PARVA: variants seen among roughly 807,000 people sequenced by gnomAD.
PARVA encodes the protein parvin alpha.
A neutral mutation model predicts 52.6 loss-of-function variants in PARVA; 25 were observed. That is an observed-to-expected ratio of 0.48 (90% CI 0.35 to 0.66). The LOEUF is 0.66. Ranked by LOEUF, PARVA falls within the 30% of genes least tolerant of loss-of-function variation. The pLI, the probability that PARVA is intolerant of heterozygous loss-of-function variation, is 0.01. For synonymous variants in PARVA, 185 were observed against 179.1 expected, an observed-to-expected ratio of 1.03 and a Z score of -0.26; for missense variants, 373 against 450.9, an observed-to-expected ratio of 0.83 and a Z score of 1.56.
chr11:12,451,581 T>G (rs1292094435), intron 1 of PARVA, among the ~76,000 whole-genome samples: 3 of 152,200 alleles, frequency 2.0e-5, no homozygotes, highest in African/African-American at 7.2e-5. Flanking sequence ...TGATTATGAA[T>G]GACAGTAATT....
intron 1 of PARVA, among the ~76,000 whole-genome samples, chr11:12,393,151 C>T (rs964830819): frequency 6.7e-6 from 1 of 149,388 alleles, no homozygotes; most frequent in East Asian, 2.0e-4. Flanking sequence ...CATTATTTTT[C>T]AAATAATACT....
intron 1 of PARVA, among the ~76,000 whole-genome samples, chr11:12,464,383 C>T (rs763861527): frequency 3.9e-5 from 6 of 152,296 alleles, no homozygotes; most frequent in African/African-American, 1.2e-4. Context: ...AAAACTGGCT[C>T]CTACCATCCA....
In PARVA at chr11:12,423,724, G is replaced by A. The variant is rs116109022; in HGVS notation, c.136+45941G>A. Among the ~76,000 whole-genome samples, 314 of 152,196 alleles carry A rather than the reference G, an allele frequency of 2.1e-3. 1 individual carries two copies. Among genetic ancestry groups the A allele is most frequent in the African/African-American group, 4.1e-3 (171 of 41,536 alleles). ...CCAGCATTTATTAAATGGTGATTCC[G>A]ACATCTATTGTCGTGATTCTTAGTT... On this transcript the variant is annotated intron_variant, in intron 1 of 12. Coordinates refer to ENST00000334956, the MANE Select transcript of PARVA (RefSeq NM_018222.5).
intron 4 of PARVA, among the ~76,000 whole-genome samples, chr11:12,486,247 T>G (rs1207385787): frequency 6.6e-6 from 1 of 152,158 alleles, no homozygotes; most frequent in African/African-American, 2.4e-5. Context: ...CTATTTAAAA[T>G]AAAGGGCTGG....
At chr11:12,377,539 A>C (rs1939410695), upstream of PARVA, 1 of 1,462,454 alleles carries the variant, frequency 6.8e-7, no homozygotes, top group Non-Finnish European at 9.1e-7. Flanking sequence ...TGCTTGGAAT[A>C]ATTCCGCTTC....
intron 1 of PARVA, among the ~76,000 whole-genome samples, chr11:12,419,049 C>T (rs1189895455): frequency 6.6e-6 from 1 of 152,092 alleles, no homozygotes; most frequent in Non-Finnish European, 1.5e-5. Context: ...ATGAAGTAAC[C>T]AGGCTCTGAC....
rs76359461 is a variant in PARVA at position 12,420,906 on chromosome 11, C to T, written c.136+43123C>T. On this transcript the variant is annotated intron_variant, in intron 1 of 12. Coordinates refer to ENST00000334956, the MANE Select transcript of PARVA (RefSeq NM_018222.5). ...CCAGAGCCTGTCCTCTTCACACCAC[C>T]CCACCCAGCGAGAATGGAAGGAGTT... Among the ~76,000 whole-genome samples, 303 of 152,230 alleles carry T rather than the reference C, an allele frequency of 2.0e-3. 2 individuals carry two copies. The highest frequency in any genetic ancestry group is 7.0e-3 in the African/African-American group (291 of 41,550).
chr11:12,383,955 G>A (rs726704), intron 1 of PARVA, among the ~76,000 whole-genome samples: 9,473 of 152,102 alleles, frequency 0.062, 931 homozygotes, highest in African/African-American at 0.21. Flanking sequence ...TGGATTTTCA[G>A]ATAGAAAATT....
rs974573561 is a variant in PARVA, at chr11:12,533,909, C to T, written c.*5984C>T. On this transcript the variant is annotated 3_prime_UTR_variant, in exon 13 of 13. Transcript: ENST00000334956. ...ATGGGCCGAGCACGGTGGCTCACAC[C>T]TGTAATCCCAGCACTTTGGGAGGCC... Among the ~76,000 whole-genome samples the T allele has an allele frequency of 2.0e-5, 3 of 151,980 alleles. No individual in the cohort carries two copies. Among genetic ancestry groups the T allele is most frequent in the Non-Finnish European group, 1.5e-5 (1 of 68,014 alleles).
intron 10 of PARVA, among the ~76,000 whole-genome samples, chr11:12,515,707 C>A (rs1232651736): frequency 2.0e-5 from 3 of 152,176 alleles, no homozygotes; most frequent in African/African-American, 4.8e-5. Context: ...AGCCCAGTTG[C>A]TCAGCTCCCA....
At chr11:12,448,888 T>C (rs1940583621) in intron 1 of PARVA, among the ~76,000 whole-genome samples, 1 of 152,218 alleles carries the variant, frequency 6.6e-6, no homozygotes, top group South Asian at 2.1e-4. Context: ...AGGGATGACC[T>C]AGGTTCTCTG....
chr11:12,425,912 T>TTA (rs1940224857), intron 1 of PARVA, among the ~76,000 whole-genome samples: 2 of 152,204 alleles, frequency 1.3e-5, no homozygotes, highest in South Asian at 4.1e-4. Context: ...TAGTAAACTA[T>TTA]TATAACCTAT....
intron 12 of PARVA, among the ~76,000 whole-genome samples, chr11:12,524,435 T>C (rs1941675968): frequency 6.6e-6 from 1 of 152,204 alleles, no homozygotes; most frequent in African/African-American, 2.4e-5. Flanking sequence ...CATTTTCTTT[T>C]TCTAGCAACC....
intron 1 of PARVA, among the ~76,000 whole-genome samples, chr11:12,420,241 G>T (rs559527145): frequency 1.3e-5 from 2 of 152,158 alleles, no homozygotes; most frequent in Non-Finnish European, 2.9e-5. Flanking sequence ...GTACACATCT[G>T]TTATTCCTTT....
At chr11:12,384,144 G>A (rs545361777) in intron 1 of PARVA, among the ~76,000 whole-genome samples, 1 of 152,256 alleles carries the variant, frequency 6.6e-6, no homozygotes, top group East Asian at 1.9e-4. Flanking sequence ...AGCCAGATAT[G>A]CTATTTCTCA....
intron 4 of PARVA, among the ~76,000 whole-genome samples, chr11:12,491,239 T>G (rs1941230575): frequency 6.6e-6 from 1 of 152,236 alleles, no homozygotes; most frequent in Non-Finnish European, 1.5e-5. Flanking sequence ...CACAGCCGAC[T>G]GTAGCCTCTA....
chr11:12,485,400 T>C (rs1941144811), intron 4 of PARVA, among the ~76,000 whole-genome samples: 1 of 152,068 alleles, frequency 6.6e-6, no homozygotes, highest in African/African-American at 2.4e-5. Flanking sequence ...GAGAAATGGC[T>C]AATTTTAGAC....
chr11:12,467,821 A>G (rs1162347534), intron 1 of PARVA, among the ~76,000 whole-genome samples: 1 of 152,188 alleles, frequency 6.6e-6, no homozygotes, highest in African/African-American at 2.4e-5. Context: ...GCAAGTACAG[A>G]TACAGTGGGC....
At chr11:12,387,052 G>A (rs1177169836) in intron 1 of PARVA, among the ~76,000 whole-genome samples, 1 of 152,244 alleles carries the variant, frequency 6.6e-6, no homozygotes, top group Non-Finnish European at 1.5e-5. Flanking sequence ...ATGAGTCCAG[G>A]AGAAGAGATG....
Sources: allele counts gnomAD v4.1 joint callset (sites outside exome capture counted in the v4.1 genomes callset), GRCh38; gene constraint gnomAD v4.1.1; transcripts MANE v1.5; gene names NCBI Gene and HGNC (gene_info 2026-07-23, HGNC 2026-07-21).